Variants in LCLAT1 observed in about 807,000 individuals in gnomAD.
LCLAT1 encodes 1-AGP acyltransferase 8.
In LCLAT1, 11 loss-of-function variants were observed where a neutral mutation model predicts 30.7. The observed-to-expected ratio is 0.36, with a 90% CI of 0.23 to 0.59. LCLAT1 has a LOEUF of 0.59. Ranked by LOEUF, LCLAT1 falls within the 20% of genes least tolerant of loss-of-function variation. LCLAT1 has a pLI of 0.77. For synonymous variants in LCLAT1, 155 were observed against 151.3 expected (o/e 1.02, Z -0.18); for missense variants, 402 against 458.6 (o/e 0.88, Z 1.13).
At chr2:30,630,277 T>TTA (rs1668707864) in intron 5 of LCLAT1, among the ~76,000 whole-genome samples, 1 of 152,198 alleles carries the variant, frequency 6.6e-6, no homozygotes, top group Non-Finnish European at 1.5e-5. Flanking sequence ...CTTTAAAGGC[T>TTA]TATCTCCAAG....
At chr2:30,484,263 A>T (rs1683460246) in intron 1 of LCLAT1, among the ~76,000 whole-genome samples, 2 of 152,178 alleles carry the variant, frequency 1.3e-5, no homozygotes, top group Admixed American at 1.3e-4. Flanking sequence ...TAATTAATAG[A>T]ATGTGCTAAA....
chr2:30,599,044 G>A (rs190355361), intron 5 of LCLAT1, among the ~76,000 whole-genome samples: 20 of 151,428 alleles, frequency 1.3e-4, no homozygotes, highest in South Asian at 2.1e-4. Flanking sequence ...GTGCAGTGGC[G>A]TGATCTCGGC....
intron 5 of LCLAT1, among the ~76,000 whole-genome samples, chr2:30,604,444 A>G (rs1230538509): frequency 1.3e-5 from 2 of 152,148 alleles, no homozygotes; most frequent in African/African-American, 4.8e-5. Context: ...TTTCCAAACT[A>G]CTTAATTCTG....
chr2:30,456,042 T>G (rs916266349), intron 1 of LCLAT1, among the ~76,000 whole-genome samples: 12 of 152,296 alleles, frequency 7.9e-5, no homozygotes, highest in Middle Eastern at 6.8e-3. Context: ...CTGGGCCAGA[T>G]TTCTTTTTCG....
chr2:30,533,322 A>T lies in LCLAT1; in HGVS notation c.364+8A>T, dbSNP rs770421681. ...AAGGTGTTCCTGGATTTGGTAGGTT[A>T]TTCACACATTATTTTAAGTGGTTCA... On this transcript the variant is annotated splice_region_variant and intron_variant, in intron 3 of 5. Transcript: ENST00000379509. 1 of 1,610,834 alleles carries T rather than the reference A, an allele frequency of 6.2e-7. No homozygotes were observed. Among genetic ancestry groups the T allele is most frequent in the East Asian group, 2.2e-5 (1 of 44,842 alleles).
intron 3 of LCLAT1, among the ~76,000 whole-genome samples, chr2:30,555,809 G>A (rs921809388): frequency 2.6e-5 from 4 of 151,024 alleles, no homozygotes; most frequent in African/African-American, 9.7e-5. Context: ...CTACAATAGG[G>A]GTCAACAAAC....
At chr2:30,498,706 TG>T (rs1166444247) in intron 1 of LCLAT1, among the ~76,000 whole-genome samples, 1 of 152,216 alleles carries the variant, frequency 6.6e-6, no homozygotes, top group Non-Finnish European at 1.5e-5. Context: ...AGCTGTAAAA[TG>T]GATATATGGT....
At chr2:30,493,839 C>CATAGAGGCATTAGTTATTTAAAAA (rs1291528978) in intron 1 of LCLAT1, among the ~76,000 whole-genome samples, 2 of 152,164 alleles carry the variant, frequency 1.3e-5, no homozygotes, top group Admixed American at 6.5e-5. Flanking sequence ...GTTCTTAGTA[C>CATAGAGGCATTAGTTATTTAAAAA]ATAGAGGCAT....
chr2:30,526,251 G>A (rs1260390785), intron 2 of LCLAT1, among the ~76,000 whole-genome samples: 1 of 151,922 alleles, frequency 6.6e-6, no homozygotes, highest in Non-Finnish European at 1.5e-5. Flanking sequence ...ACAATTATAT[G>A]TATGTTAGAT....
intron 1 of LCLAT1, among the ~76,000 whole-genome samples, chr2:30,503,174 G>C (rs774456082): frequency 3.3e-5 from 5 of 152,188 alleles, no homozygotes; most frequent in African/African-American, 4.8e-5. Flanking sequence ...GCGCTGGTGG[G>C]AGTGTCTTAT....
chr2:30,555,765 A>G (rs749683988), intron 3 of LCLAT1, among the ~76,000 whole-genome samples: 63 of 152,118 alleles, frequency 4.1e-4, no homozygotes, highest in Non-Finnish European at 7.6e-4. Context: ...GCGAATTCTA[A>G]AAGAAGAAAA....
At chr2:30,460,158 G>A (rs185620622) in intron 1 of LCLAT1, among the ~76,000 whole-genome samples, 87 of 152,266 alleles carry the variant, frequency 5.7e-4, no homozygotes, top group African/African-American at 2.0e-3. Context: ...AAACAGTGAG[G>A]GTTTGGGGAG....
At chr2:30,516,965 C>T (rs1270383613) in intron 1 of LCLAT1, among the ~76,000 whole-genome samples, 8 of 152,158 alleles carry the variant, frequency 5.3e-5, no homozygotes, top group Non-Finnish European at 1.2e-4. Flanking sequence ...CCTGGGGAAG[C>T]TGAGGGCCGA....
intron 5 of LCLAT1, among the ~76,000 whole-genome samples, chr2:30,600,703 C>T (rs1667141875): frequency 6.6e-6 from 1 of 151,960 alleles, no homozygotes; most frequent in African/African-American, 2.4e-5. Context: ...TTTCTGGCTG[C>T]CCTTATCATT....
At chr2:30,495,830 A>C (rs1684081871) in intron 1 of LCLAT1, among the ~76,000 whole-genome samples, 1 of 152,106 alleles carries the variant, frequency 6.6e-6, no homozygotes, top group Admixed American at 6.6e-5. Context: ...ACATGAAAAC[A>C]TTTTTTGTTT....
At chr2:30,480,204 G>A (rs959519098) in intron 1 of LCLAT1, among the ~76,000 whole-genome samples, 3 of 152,108 alleles carry the variant, frequency 2.0e-5, no homozygotes, top group Non-Finnish European at 2.9e-5. Context: ...AACGACATTT[G>A]TTACACTTAC....
At chr2:30,610,480 G>A (rs557204355) in intron 5 of LCLAT1, among the ~76,000 whole-genome samples, 2 of 152,204 alleles carry the variant, frequency 1.3e-5, no homozygotes, top group African/African-American at 4.8e-5. Context: ...GTGTATCAAG[G>A]TCTGGTGGAA....
At chr2:30,513,893 A>G (rs552324546) in intron 1 of LCLAT1, among the ~76,000 whole-genome samples, 2 of 152,322 alleles carry the variant, frequency 1.3e-5, no homozygotes, top group South Asian at 4.1e-4. Flanking sequence ...TTGATGTCTC[A>G]TGTCTCTCTA....
intron 5 of LCLAT1, among the ~76,000 whole-genome samples, chr2:30,613,548 CACAGAG>C (rs778730158): frequency 1.9e-4 from 29 of 149,112 alleles, no homozygotes; most frequent in Non-Finnish European, 3.1e-4. Context: ...AAGAAAAAGA[CACAGAG>C]ACAAAGTATA....
Sources: allele counts gnomAD v4.1 joint callset (sites outside exome capture counted in the v4.1 genomes callset), GRCh38; gene constraint gnomAD v4.1.1; transcripts MANE v1.5; gene names NCBI Gene and HGNC (gene_info 2026-07-23, HGNC 2026-07-21).